Variants in ZNF469 observed in about 807,000 individuals in gnomAD.
ZNF469 encodes zinc finger protein 469.
In ZNF469, 1 loss-of-function variant was observed where a neutral mutation model predicts 1.0. The ratio of observed to expected loss-of-function variants is 1.00; its 90% confidence interval spans 0.35 to 4.73. The LOEUF is 4.73. Among genes scored for constraint, ZNF469 ranks in the 30% most tolerant of loss-of-function variants. The pLI is 0.16. For synonymous variants in ZNF469, 2,703 were observed against 2,363.4 expected (o/e 1.14, Z -4.17); for missense variants, 6,100 against 5,356.3 (o/e 1.14, Z -4.33).
rs1906538087 is a variant in ZNF469 at position 88,435,917 on chromosome 16, GCTGC to G, written c.8450_8453del (p.Cys2817SerfsTer52). On this transcript the variant is annotated frameshift_variant, in exon 3 of 3. Transcript: ENST00000565624. LOFTEE classifies it low-confidence loss of function (END_TRUNC). ...TCTCCGGCGGACAGCACCACCAGCAGCTGCCTCCAGGGCCTCCCGGACAACCCAG... is the reference window on the plus strand; with the variant it reads ...TCTCCGGCGGACAGCACCACCAGCAGCTCCAGGGCCTCCCGGACAACCCAG... The G allele has an allele frequency of 6.5e-7, 1 of 1,549,962 alleles. No individual in the cohort carries two copies. Among genetic ancestry groups the G allele is most frequent in the Non-Finnish European group, 8.7e-7 (1 of 1,146,980 alleles).
chr16:88,246,954 A>C, the ZNF469 span, among the ~76,000 whole-genome samples: 5 of 152,124 alleles, frequency 3.3e-5, no homozygotes, highest in South Asian at 1.0e-3. Flanking sequence ...TGAATGAATG[A>C]ATGAGTGAAT....
chr16:88,109,337 C>A, the ZNF469 span, among the ~76,000 whole-genome samples: 1 of 152,360 alleles, frequency 6.6e-6, no homozygotes, highest in African/African-American at 2.4e-5. Context: ...ACTTTCCACA[C>A]CCCTGCAGGT....
At chr16:88,153,678 C>T in the ZNF469 span, among the ~76,000 whole-genome samples, 3 of 152,258 alleles carry the variant, frequency 2.0e-5, no homozygotes, top group Non-Finnish European at 2.9e-5. Context: ...GTGCCTGAGG[C>T]AGGCGCTTGC....
the ZNF469 span, among the ~76,000 whole-genome samples, chr16:88,326,024 G>GTGTGA: frequency 6.6e-6 from 1 of 152,244 alleles, no homozygotes; most frequent in Non-Finnish European, 1.5e-5. Flanking sequence ...CTCCCAGCCA[G>GTGTGA]TGTGATCCTG....
At chr16:88,163,677 G>A in the ZNF469 span, among the ~76,000 whole-genome samples, 1 of 151,426 alleles carries the variant, frequency 6.6e-6, no homozygotes, top group South Asian at 2.1e-4. Flanking sequence ...TGGGTGGGCA[G>A]ATATATGGGT....
At chr16:88,117,849 C>T in the ZNF469 span, among the ~76,000 whole-genome samples, 4 of 152,234 alleles carry the variant, frequency 2.6e-5, no homozygotes, top group East Asian at 1.9e-4. Context: ...GCCGCCGTGT[C>T]GTCAGAGGCA....
Position 88,434,380 on chromosome 16 carries a change from C to T in ZNF469, c.6910C>T (p.Pro2304Ser). 2 of 1,550,012 alleles carry T rather than the reference C, an allele frequency of 1.3e-6. No individual in the cohort carries two copies. Among genetic ancestry groups the T allele is most frequent in the South Asian group, 2.4e-5 (2 of 84,056 alleles). ...GDEAQAGRGLPGPDPQSRGAP... is the reference protein window; with the variant it reads ...GDEAQAGRGLSGPDPQSRGAP... Reference sequence around the variant, plus strand: ...TGAGGCACAGGCAGGCAGGGGACTCCCAGGGCCAGACCCCCAGAGCAGGGG... The same window carrying T: ...TGAGGCACAGGCAGGCAGGGGACTCTCAGGGCCAGACCCCCAGAGCAGGGG... Residue 2304 changes from proline to serine, a missense_variant, in exon 3 of 3, where the codon CCA becomes TCA. Pro to Ser is a moderately conservative substitution (Grantham distance 74). Transcript: ENST00000565624.
chr16:88,194,207 C>G, the ZNF469 span: 1 of 152,302 alleles, frequency 6.6e-6, no homozygotes, highest in Admixed American at 6.5e-5. Flanking sequence ...ACAGCCTGCT[C>G]AGGCCACACG....
the ZNF469 span, among the ~76,000 whole-genome samples, chr16:88,327,119 G>A: frequency 6.6e-6 from 1 of 152,156 alleles, no homozygotes; most frequent in African/African-American, 2.4e-5. Flanking sequence ...CCCAGGAGTG[G>A]GGCCATCCCC....
chr16:88,116,201 C>T, the ZNF469 span, among the ~76,000 whole-genome samples: 68 of 152,308 alleles, frequency 4.5e-4, no homozygotes, highest in African/African-American at 5.5e-4. Flanking sequence ...AGGATGCAGA[C>T]GGCCAATCAG....
the ZNF469 span, among the ~76,000 whole-genome samples, chr16:88,243,911 CATATATATATAT>C: frequency 0.023 from 594 of 26,262 alleles, 15 homozygotes; most frequent in Non-Finnish European, 0.026. Flanking sequence ...TGGCTGGATG[CATATATATATAT>C]ATATATATAT....
the ZNF469 span, among the ~76,000 whole-genome samples, chr16:88,143,557 G>A: frequency 3.9e-5 from 6 of 152,020 alleles, no homozygotes; most frequent in African/African-American, 1.5e-4. Context: ...GTGGCCCATG[G>A]CCATGCGTCT....
In ZNF469 at chr16:88,437,190, G is replaced by A. The variant is rs1026383681; in HGVS notation, c.9720G>A (p.Arg3240=). ...SITEPAPKHH[R]GKRSAGKAAG... ...CGGAACCCGCGCCCAAACACCACAG[G>A]GGCAAGCGCTCCGCCGGCAAGGCCG... The change falls in exon 3 of 3, where the codon AGG becomes AGA. Residue 3240 remains arginine, a synonymous_variant. Coordinates refer to ENST00000565624, the MANE Select transcript of ZNF469 (RefSeq NM_001367624.2). The A allele has an allele frequency of 7.1e-5, 110 of 1,549,436 alleles. No individual in the cohort carries two copies. The highest frequency in any genetic ancestry group is 9.2e-5 in the Non-Finnish European group (105 of 1,146,604).
At chr16:88,375,013 G>C in the ZNF469 span, among the ~76,000 whole-genome samples, 1 of 152,264 alleles carries the variant, frequency 6.6e-6, no homozygotes, top group East Asian at 1.9e-4. Flanking sequence ...AAACCGCCCA[G>C]GCACCGAAGC....
At chr16:88,405,905 C>A (rs531503679) in intron 1 of ZNF469, among the ~76,000 whole-genome samples, 29 of 152,362 alleles carry the variant, frequency 1.9e-4, no homozygotes, top group African/African-American at 6.0e-4. Context: ...TGCGTCCTCC[C>A]GACCCCCGCC....
chr16:88,346,579 C>T, the ZNF469 span, among the ~76,000 whole-genome samples: 1 of 152,072 alleles, frequency 6.6e-6, no homozygotes, highest in Non-Finnish European at 1.5e-5. Flanking sequence ...AGTGCAGTGG[C>T]ACGATGTTGG....
At chr16:88,272,565 G>C in the ZNF469 span, among the ~76,000 whole-genome samples, 3 of 151,860 alleles carry the variant, frequency 2.0e-5, no homozygotes, top group Admixed American at 2.0e-4. Flanking sequence ...TGTATGGAGA[G>C]ATGAGTGGAT....
chr16:88,218,159 T>G, the ZNF469 span, among the ~76,000 whole-genome samples: 1 of 146,812 alleles, frequency 6.8e-6, no homozygotes, highest in Non-Finnish European at 1.5e-5. Flanking sequence ...TGGTATCTCA[T>G]TGTGGTTTTG....
chr16:88,279,235 G>A, the ZNF469 span, among the ~76,000 whole-genome samples: 15,789 of 100,618 alleles, frequency 0.16, no homozygotes, highest in African/African-American at 0.28. Context: ...ATCACTGCAC[G>A]GTTAGTGCTG....
Sources: gnomAD v4.1 joint callset for allele counts (sites outside exome capture counted in the v4.1 genomes callset) on GRCh38, gnomAD v4.1.1 for gene constraint, MANE v1.5 for transcripts, NCBI Gene and HGNC (gene_info 2026-07-23, HGNC 2026-07-21) for gene names.